Variants in RTL4 observed in about 807,000 individuals in gnomAD.
RTL4 encodes the protein retrotransposon Gag-like protein 4.
Under a neutral mutation model 5.3 loss-of-function variants are expected in RTL4, and 4 were observed. The ratio of observed to expected loss-of-function variants is 0.75; its 90% CI spans 0.37 to 1.72. The LOEUF (loss-of-function observed/expected upper bound fraction) is 1.72, where lower values mean the gene tolerates loss of function less well. Ranked by LOEUF, RTL4 falls within the 40% of genes most tolerant of loss-of-function variation. RTL4 has a pLI of 0.04. For synonymous variants in RTL4, 98 were observed against 87.3 expected (o/e 1.12, Z -0.68); for missense variants, 260 against 227.1 (o/e 1.14, Z -0.93).
the RTL4 span, among the ~76,000 whole-genome samples, chrX:112,358,468 A>G: frequency 9.0e-6 from 1 of 111,577 alleles, no homozygotes; most frequent in Non-Finnish European, 1.9e-5. Context: ...TTTATGTTTT[A>G]AGTGACTGAA....
At chrX:112,341,073 TA>T in the RTL4 span, among the ~76,000 whole-genome samples, 1 of 109,844 alleles carries the variant, frequency 9.1e-6, no homozygotes, top group African/African-American at 3.3e-5. Flanking sequence ...GAAATTAACT[TA>T]AAAAACTTCT....
the RTL4 span, among the ~76,000 whole-genome samples, chrX:112,281,333 C>T: frequency 2.7e-3 from 299 of 111,947 alleles, no homozygotes; most frequent in African/African-American, 8.8e-3. Flanking sequence ...TTCTTTTTTA[C>T]GGCTGAATAG....
At chrX:112,124,716 C>G in the RTL4 span, among the ~76,000 whole-genome samples, 3,338 of 109,296 alleles carry the variant, frequency 0.031, 151 homozygotes, top group African/African-American at 0.11. Context: ...GAGGACGGGT[C>G]AATAGGCACA....
chrX:112,450,993 C>G (rs146404012), upstream of RTL4, among the ~76,000 whole-genome samples: 27 of 111,525 alleles, frequency 2.4e-4, 1 homozygote, highest in Admixed American at 7.6e-4. Flanking sequence ...AGTCTTTATC[C>G]TTTTTAGTAT....
At chrX:112,230,233 C>T in the RTL4 span, among the ~76,000 whole-genome samples, 4 of 112,442 alleles carry the variant, frequency 3.6e-5, no homozygotes, top group Non-Finnish European at 3.8e-5. Flanking sequence ...CAATGGTGGG[C>T]GCCCCTTCCG....
chrX:112,445,365 A>G, the RTL4 span, among the ~76,000 whole-genome samples: 7 of 112,485 alleles, frequency 6.2e-5, no homozygotes, highest in South Asian at 3.6e-4. Flanking sequence ...TTTTGTTCCA[A>G]CTGAACCTGT....
At chrX:112,146,711 G>A in the RTL4 span, among the ~76,000 whole-genome samples, 1 of 109,568 alleles carries the variant, frequency 9.1e-6, no homozygotes, top group African/African-American at 3.3e-5. Flanking sequence ...AGGAGGAGGG[G>A]ATGGTCAATT....
the RTL4 span, among the ~76,000 whole-genome samples, chrX:112,116,112 G>C: frequency 8.9e-6 from 1 of 112,169 alleles, no homozygotes; most frequent in Non-Finnish European, 1.9e-5. Flanking sequence ...CCTGACATCC[G>C]TGTCTTTAGT....
chrX:112,157,910 A>G, the RTL4 span, among the ~76,000 whole-genome samples: 1 of 111,113 alleles, frequency 9.0e-6, no homozygotes, highest in African/African-American at 3.3e-5. Context: ...TTAAAAACTC[A>G]CCTTTGCCAG....
At chrX:112,373,402 A>C in the RTL4 span, among the ~76,000 whole-genome samples, 1 of 110,416 alleles carries the variant, frequency 9.1e-6, no homozygotes, top group Non-Finnish European at 1.9e-5. Context: ...TGCACCTTTT[A>C]ATGTCTTGTG....
the RTL4 span, among the ~76,000 whole-genome samples, chrX:112,409,741 A>G: frequency 9.1e-6 from 1 of 109,421 alleles, no homozygotes; most frequent in African/African-American, 3.3e-5. Flanking sequence ...AAAAATTAAA[A>G]GCAATAAATT....
the RTL4 span, among the ~76,000 whole-genome samples, chrX:112,310,657 T>A: frequency 2.0e-4 from 13 of 64,570 alleles, no homozygotes; most frequent in African/African-American, 8.9e-4. Flanking sequence ...TTTATATATA[T>A]TAGTATATTT....
chrX:112,299,755 C>T, the RTL4 span, among the ~76,000 whole-genome samples: 2 of 111,921 alleles, frequency 1.8e-5, no homozygotes, highest in Non-Finnish European at 3.8e-5. Context: ...TGACAGTGTT[C>T]CTTTGTCAAC....
the RTL4 span, among the ~76,000 whole-genome samples, chrX:112,171,879 G>C: frequency 8.9e-6 from 1 of 112,161 alleles, no homozygotes; most frequent in East Asian, 2.8e-4. Flanking sequence ...TTAAATTAAA[G>C]AGCTTCTGCA....
chrX:112,111,048 T>A, the RTL4 span, among the ~76,000 whole-genome samples: 1 of 112,069 alleles, frequency 8.9e-6, no homozygotes. Context: ...CCTTCAATTA[T>A]CAATTAATAG....
the RTL4 span, among the ~76,000 whole-genome samples, chrX:112,422,147 T>G: frequency 8.9e-6 from 1 of 111,931 alleles, no homozygotes; most frequent in African/African-American, 3.2e-5. Flanking sequence ...CAAATCTGAG[T>G]GAAAACAGAT....
the RTL4 span, among the ~76,000 whole-genome samples, chrX:112,228,585 G>A: frequency 9.0e-6 from 1 of 111,713 alleles, no homozygotes; most frequent in African/African-American, 3.2e-5. Flanking sequence ...TTTCCAGTAT[G>A]CCATACAGTA....
the RTL4 span, among the ~76,000 whole-genome samples, chrX:112,275,974 T>A: frequency 3.6e-5 from 4 of 111,918 alleles, no homozygotes; most frequent in Admixed American, 9.5e-5. Context: ...TTGCTGTTAT[T>A]CTCTCTAGGG....
the RTL4 span, among the ~76,000 whole-genome samples, chrX:112,440,745 C>A: frequency 9.0e-6 from 1 of 111,597 alleles, no homozygotes; most frequent in Non-Finnish European, 1.9e-5. Context: ...CATTATTAGC[C>A]AGTAGGTAGA....
Sources: allele counts gnomAD v4.1 joint callset (sites outside exome capture counted in the v4.1 genomes callset), GRCh38; gene constraint gnomAD v4.1.1; transcripts MANE v1.5; gene names NCBI Gene and HGNC (gene_info 2026-07-23, HGNC 2026-07-21).